Variants in EPB41L2 observed in about 807,000 individuals in gnomAD.
EPB41L2 encodes band 4.1-like protein 2.
EPB41L2 carries 43 observed loss-of-function variants against 113.0 expected under a neutral mutation model. The observed-to-expected ratio is 0.38, with a 90% CI of 0.30 to 0.49. EPB41L2 has a LOEUF of 0.49. EPB41L2 is among the 20% of genes least tolerant of loss of function. The probability of loss-of-function intolerance (pLI) is 0.95; values close to 1 mark genes in which losing one functional copy is unlikely to be tolerated. For missense variants in EPB41L2, 1,147 were observed against 1,223.4 expected (o/e 0.94, Z 0.93); for synonymous variants, 442 against 436.7 (o/e 1.01, Z -0.15).
chr6:130,896,898 G>A (rs1231495395), intron 8 of EPB41L2, among the ~76,000 whole-genome samples: 1 of 152,144 alleles, frequency 6.6e-6, no homozygotes. Flanking sequence ...CAAAGGATCA[G>A]GAGAGAAAGG....
At chr6:130,973,056 G>A (rs1777288657) in intron 1 of EPB41L2, among the ~76,000 whole-genome samples, 2 of 151,732 alleles carry the variant, frequency 1.3e-5, no homozygotes, top group Non-Finnish European at 2.9e-5. Context: ...AGGTTGCAGT[G>A]AGCCGAGATC....
In EPB41L2 at chr6:131,055,118, T is replaced by A. The variant is rs138877046; in HGVS notation, c.-15+8037A>T. ...CATTCTTTTGGCCTCCAACAAGTAG[T>A]TGCCTCAGGGGAGCAGAAATCTGTC... On this transcript the variant is annotated intron_variant, in intron 1 of 19. Coordinates refer to ENST00000337057, the MANE Select transcript of EPB41L2 (RefSeq NM_001431.4). Among the ~76,000 whole-genome samples, 703 of 152,326 alleles carry A rather than the reference T, an allele frequency of 4.6e-3. 13 individuals carry two copies. Among genetic ancestry groups the A allele is most frequent in the African/African-American group, 0.016 (676 of 41,574 alleles).
chr6:130,880,821 A>C, intron 12 of EPB41L2: 1 of 278,448 alleles, frequency 3.6e-6, no homozygotes, highest in South Asian at 1.7e-4. Flanking sequence ...AATCTGTTCT[A>C]ATTTGAAATG....
At chr6:130,977,347 G>T (rs1269265939) in intron 1 of EPB41L2, among the ~76,000 whole-genome samples, 1 of 114,588 alleles carries the variant, frequency 8.7e-6, no homozygotes, top group African/African-American at 4.0e-5. Flanking sequence ...AGGCCCAGCA[G>T]TTAGATTATT....
chr6:131,029,744 T>C (rs901494132), intron 1 of EPB41L2, among the ~76,000 whole-genome samples: 2 of 152,150 alleles, frequency 1.3e-5, no homozygotes, highest in South Asian at 2.1e-4. Context: ...TGCCTAAACA[T>C]TCCAGTGACA....
intron 3 of EPB41L2, among the ~76,000 whole-genome samples, chr6:130,949,993 C>T (rs985602436): frequency 1.3e-5 from 2 of 152,124 alleles, no homozygotes; most frequent in Non-Finnish European, 2.9e-5. Context: ...ATTGGAAAGG[C>T]TCCAGGCAAC....
intron 3 of EPB41L2, among the ~76,000 whole-genome samples, chr6:130,947,357 A>G (rs749847267): frequency 9.9e-5 from 15 of 152,184 alleles, no homozygotes; most frequent in Non-Finnish European, 1.6e-4. Flanking sequence ...ATGTTATATC[A>G]AGGTTTAATT....
chr6:130,942,454 TA>T (rs1467895265), intron 3 of EPB41L2, among the ~76,000 whole-genome samples: 1 of 152,158 alleles, frequency 6.6e-6, no homozygotes, highest in African/African-American at 2.4e-5. Context: ...AGACTAGAAA[TA>T]AAACAGTAAT....
chr6:130,933,324 T>C (rs545891310), intron 3 of EPB41L2, among the ~76,000 whole-genome samples: 1 of 152,312 alleles, frequency 6.6e-6, no homozygotes, highest in African/African-American at 2.4e-5. Context: ...ATAAAAACCA[T>C]GCAACTGTTA....
At chr6:130,958,465 CAACAAAAAAAAAAAA>C (rs1818224607) in intron 1 of EPB41L2, among the ~76,000 whole-genome samples, 1 of 43,424 alleles carries the variant, frequency 2.3e-5, no homozygotes, top group African/African-American at 7.5e-5. Context: ...ACAACAACAA[CAACAAAAAAAAAAAA>C]AAAAAAAAGC....
intron 8 of EPB41L2, among the ~76,000 whole-genome samples, chr6:130,896,085 C>T (rs1188164875): frequency 6.6e-6 from 1 of 152,110 alleles, no homozygotes; most frequent in Non-Finnish European, 1.5e-5. Context: ...TTGCAACAAA[C>T]CCCATATTTA....
At chr6:130,915,837 C>G (rs370638790) in intron 4 of EPB41L2, among the ~76,000 whole-genome samples, 8 of 152,132 alleles carry the variant, frequency 5.3e-5, no homozygotes, top group Admixed American at 3.9e-4. Flanking sequence ...TGCCTGCCAC[C>G]ATCCATGTAA....
At chr6:130,879,556 C>T (rs1269699079) in intron 13 of EPB41L2, among the ~76,000 whole-genome samples, 1 of 152,168 alleles carries the variant, frequency 6.6e-6, no homozygotes. Context: ...ACTTTACATT[C>T]ATAATTGGGT....
At chr6:130,888,500 G>C (rs1791766441) in intron 11 of EPB41L2, among the ~76,000 whole-genome samples, 2 of 152,116 alleles carry the variant, frequency 1.3e-5, no homozygotes, top group African/African-American at 4.8e-5. Context: ...ATACCTCAAA[G>C]AAAATGCTGT....
At chr6:131,036,066 G>A (rs900188734) in intron 1 of EPB41L2, among the ~76,000 whole-genome samples, 10 of 152,112 alleles carry the variant, frequency 6.6e-5, no homozygotes, top group Non-Finnish European at 1.0e-4. Context: ...ATGGGCAGTG[G>A]GGAATCATTT....
At chr6:130,883,824 T>A (rs2128469861) in intron 12 of EPB41L2, among the ~76,000 whole-genome samples, 1 of 152,268 alleles carries the variant, frequency 6.6e-6, no homozygotes, top group South Asian at 2.1e-4. Context: ...CACAAATTCT[T>A]TAACGATGGA....
At chr6:131,011,149 G>A (rs976638483) in intron 1 of EPB41L2, among the ~76,000 whole-genome samples, 16 of 152,188 alleles carry the variant, frequency 1.1e-4, no homozygotes, top group African/African-American at 3.6e-4. Flanking sequence ...CCTAGTAAGG[G>A]ACACAGGGAG....
chr6:130,858,776 G>A (rs1422911880), intron 18 of EPB41L2, among the ~76,000 whole-genome samples: 1 of 152,222 alleles, frequency 6.6e-6, no homozygotes, highest in Non-Finnish European at 1.5e-5. Flanking sequence ...TAAAATGTTT[G>A]CTGAACTAAA....
intron 1 of EPB41L2, among the ~76,000 whole-genome samples, chr6:131,062,188 A>G (rs1798789032): frequency 6.6e-6 from 1 of 151,190 alleles, no homozygotes; most frequent in African/African-American, 2.4e-5. Flanking sequence ...ACCTCATTTT[A>G]TTTATACATA....
Sources: gnomAD v4.1 joint callset for allele counts (sites outside exome capture counted in the v4.1 genomes callset) on GRCh38, gnomAD v4.1.1 for gene constraint, MANE v1.5 for transcripts, NCBI Gene and HGNC (gene_info 2026-07-23, HGNC 2026-07-21) for gene names.